TENM3: variants seen among roughly 807,000 people sequenced by gnomAD.
The protein encoded by TENM3 is teneurin-3.
TENM3 carries 63 observed loss-of-function variants against 255.1 expected under a neutral mutation model. The observed-to-expected ratio is 0.25, with a 90% CI of 0.20 to 0.30. TENM3 has a LOEUF of 0.30. Ranked by LOEUF, TENM3 falls within the 10% of genes least tolerant of loss-of-function variation. The pLI is 1.00. For synonymous variants in TENM3, 1,306 were observed against 1,322.3 expected (o/e 0.99, Z 0.27); for missense variants, 2,929 against 3,461.1 (o/e 0.85, Z 3.86).
chr4:182,506,022 G>A (rs1736782528), intron 3 of TENM3, among the ~76,000 whole-genome samples: 1 of 152,158 alleles, frequency 6.6e-6, no homozygotes, highest in Non-Finnish European at 1.5e-5. Flanking sequence ...CAAGTGGAGG[G>A]GACCTAAGAT....
At chr4:182,252,199 A>C (rs1579902690) in intron 1 of TENM3, among the ~76,000 whole-genome samples, 1 of 152,040 alleles carries the variant, frequency 6.6e-6, no homozygotes, top group East Asian at 1.9e-4. Flanking sequence ...AAAAAACAAC[A>C]AAAAAATGTG....
At chr4:181,595,664 G>C in the TENM3 span, among the ~76,000 whole-genome samples, 1 of 151,928 alleles carries the variant, frequency 6.6e-6, no homozygotes, top group African/African-American at 2.4e-5. Context: ...GGTTTAAAAC[G>C]CCCTACAAGA....
At chr4:182,510,758 T>C (rs538292863) in intron 3 of TENM3, among the ~76,000 whole-genome samples, 2 of 152,300 alleles carry the variant, frequency 1.3e-5, no homozygotes, top group South Asian at 2.1e-4. Context: ...TTTTGCAACA[T>C]TTTTTTCTAA....
chr4:181,536,130 T>G, the TENM3 span, among the ~76,000 whole-genome samples: 3 of 152,202 alleles, frequency 2.0e-5, no homozygotes, highest in African/African-American at 7.2e-5. Context: ...TAGCACAACT[T>G]CTGGTGAATA....
At chr4:181,918,243 C>G in the TENM3 span, among the ~76,000 whole-genome samples, 1 of 152,060 alleles carries the variant, frequency 6.6e-6, no homozygotes, top group Non-Finnish European at 1.5e-5. Flanking sequence ...CATATTCATT[C>G]TAACAGTAAA....
intron 24 of TENM3, among the ~76,000 whole-genome samples, chr4:182,782,474 A>G: frequency 8.9e-6 from 1 of 111,812 alleles, no homozygotes; most frequent in African/African-American, 4.2e-5. Context: ...TTTACTTCCA[A>G]GTATGTGGTC....
the TENM3 span, among the ~76,000 whole-genome samples, chr4:181,803,897 C>T: frequency 1.4e-5 from 2 of 143,972 alleles, no homozygotes; most frequent in East Asian, 2.0e-4. Context: ...ATTGTGCCAC[C>T]GCATTCTAGC....
At chr4:182,032,462 T>C in the TENM3 span, among the ~76,000 whole-genome samples, 16 of 152,352 alleles carry the variant, frequency 1.1e-4, no homozygotes, top group Admixed American at 2.0e-4. Context: ...CAGTATTTTA[T>C]GGAGGACTTT....
intron 3 of TENM3, among the ~76,000 whole-genome samples, chr4:182,387,575 G>A (rs1032681199): frequency 1.3e-5 from 2 of 152,084 alleles, no homozygotes; most frequent in Non-Finnish European, 2.9e-5. Flanking sequence ...CATTGTTTGG[G>A]TCCACGCTGC....
In TENM3 at chr4:182,775,007, C is replaced by G; in HGVS notation, c.5158C>G (p.Pro1720Ala). 6.2e-7 allele frequency: 1 copy of G among 1,613,986 alleles called. No homozygotes were observed. Among genetic ancestry groups the G allele is most frequent in the Non-Finnish European group, 8.5e-7 (1 of 1,179,882 alleles). The change falls in exon 24 of 28, where the codon CCG becomes GCG. Residue 1720 changes from proline to alanine, a missense_variant. Physicochemically the swap from Pro to Ala is conservative, Grantham distance 27 (BLOSUM62 -1). This residue lies in a region of TENM3 where 303 missense variants were observed against 425.2 expected (regional missense o/e 0.71). Coordinates refer to ENST00000511685, the MANE Select transcript of TENM3 (RefSeq NM_001080477.4). ...SGLDSHYQTE[P>A]HVLAGTANPT... ...CCTGGACTCACACTACCAAACAGAGCCGCACGTTCTGGCTGGCACCGCTAA... is the reference window on the plus strand; with the variant it reads ...CCTGGACTCACACTACCAAACAGAGGCGCACGTTCTGGCTGGCACCGCTAA...
chr4:181,651,588 C>CA, the TENM3 span, among the ~76,000 whole-genome samples: 438 of 109,562 alleles, frequency 4.0e-3, no homozygotes, highest in Admixed American at 8.3e-3. Context: ...GACTTGGTCT[C>CA]AAAAAAAAAA....
At chr4:181,535,406 C>T in the TENM3 span, among the ~76,000 whole-genome samples, 2 of 152,158 alleles carry the variant, frequency 1.3e-5, no homozygotes, top group Non-Finnish European at 2.9e-5. Flanking sequence ...GCCTAAAGGC[C>T]AATCAGCATC....
the TENM3 span, among the ~76,000 whole-genome samples, chr4:181,885,086 T>C: frequency 6.6e-6 from 1 of 152,192 alleles, no homozygotes; most frequent in Non-Finnish European, 1.5e-5. Flanking sequence ...CTATCAAATA[T>C]TTTCACATTG....
intron 24 of TENM3, among the ~76,000 whole-genome samples, chr4:182,780,833 T>A (rs1300459491): frequency 6.6e-6 from 1 of 151,352 alleles, no homozygotes; most frequent in Non-Finnish European, 1.5e-5. Context: ...GAATGGGAGT[T>A]CACTCCTGAT....
At chr4:182,652,105 A>T (rs1290686709) in intron 5 of TENM3, among the ~76,000 whole-genome samples, 1 of 152,202 alleles carries the variant, frequency 6.6e-6, no homozygotes, top group Admixed American at 6.5e-5. Flanking sequence ...TTAGATTTTT[A>T]AAATCTCAGA....
the TENM3 span, among the ~76,000 whole-genome samples, chr4:181,772,440 A>C: frequency 5.3e-5 from 8 of 152,254 alleles, 1 homozygote; most frequent in African/African-American, 1.4e-4. Flanking sequence ...TATATGAGCT[A>C]TTAGGAAAAA....
chr4:182,418,832 G>T (rs558310948), intron 3 of TENM3, among the ~76,000 whole-genome samples: 1 of 152,190 alleles, frequency 6.6e-6, no homozygotes, highest in East Asian at 1.9e-4. Flanking sequence ...CGAAGTGCTG[G>T]GATTACAGCT....
At chr4:181,842,589 T>C in the TENM3 span, among the ~76,000 whole-genome samples, 1 of 152,208 alleles carries the variant, frequency 6.6e-6, no homozygotes, top group African/African-American at 2.4e-5. Context: ...GCAAATCATA[T>C]GCATGAAGCA....
At chr4:182,045,722 T>G in the TENM3 span, among the ~76,000 whole-genome samples, 60 of 152,186 alleles carry the variant, frequency 3.9e-4, no homozygotes, top group Non-Finnish European at 8.1e-4. Context: ...TTCAATTTAG[T>G]CTGTGATCAG....
Sources: allele counts gnomAD v4.1 joint callset (sites outside exome capture counted in the v4.1 genomes callset), GRCh38; gene constraint gnomAD v4.1.1; regional missense constraint gnomAD v4.1.1; transcripts MANE v1.5; gene names NCBI Gene and HGNC (gene_info 2026-07-23, HGNC 2026-07-21).